The following PTPN13 variants were observed in gnomAD, a reference collection of about 807,000 sequenced individuals.
The protein encoded by PTPN13 is tyrosine-protein phosphatase non-receptor type 13.
In PTPN13, 191 loss-of-function variants were observed where a neutral mutation model predicts 284.0. That is an observed-to-expected ratio of 0.67 (90% CI 0.60 to 0.76). The LOEUF is 0.76. PTPN13 is among the 30% of genes least tolerant of loss of function. The pLI is 0.00. For synonymous variants in PTPN13, 986 were observed against 1,022.3 expected, an observed-to-expected ratio of 0.96 and a Z score of 0.68; for missense variants, 2,797 against 2,939.9, an observed-to-expected ratio of 0.95 and a Z score of 1.12.
intron 1 of PTPN13, among the ~76,000 whole-genome samples, chr4:86,607,796 C>CT (rs985038549): frequency 5.9e-5 from 9 of 151,838 alleles, no homozygotes; most frequent in African/African-American, 2.2e-4. Context: ...ATATATTTTC[C>CT]TTTTAGCTTT....
chr4:86,648,173 C>T (rs531184422), intron 2 of PTPN13, among the ~76,000 whole-genome samples: 2 of 152,190 alleles, frequency 1.3e-5, no homozygotes, highest in East Asian at 3.9e-4. Flanking sequence ...ATGGTCAAGT[C>T]AGGGTAGCTG....
At chr4:86,803,300 G>T (rs901680111) in intron 42 of PTPN13, among the ~76,000 whole-genome samples, 3 of 149,958 alleles carry the variant, frequency 2.0e-5, no homozygotes, top group Non-Finnish European at 4.4e-5. Context: ...ATAAAATAAA[G>T]ACCTTCCTAG....
chr4:86,637,510 C>A (rs1190252302), intron 2 of PTPN13, among the ~76,000 whole-genome samples: 1 of 151,890 alleles, frequency 6.6e-6, no homozygotes, highest in Non-Finnish European at 1.5e-5. Context: ...CCCTGGGGTG[C>A]AAGGCTGGTT....
At chr4:86,676,538 G>A (rs1471428283) in intron 3 of PTPN13, among the ~76,000 whole-genome samples, 1 of 152,072 alleles carries the variant, frequency 6.6e-6, no homozygotes, top group Non-Finnish European at 1.5e-5. Context: ...TTCACAGCAG[G>A]AACTCAAAGA....
At chr4:86,750,290 A>G (rs150280788) in intron 17 of PTPN13, among the ~76,000 whole-genome samples, 180 bp from the exon 18 acceptor site, 51 of 152,358 alleles carry the variant, frequency 3.3e-4, no homozygotes, top group African/African-American at 1.2e-3. Context: ...AAAATATGTT[A>G]TGAAAACCAG....
intron 1 of PTPN13, among the ~76,000 whole-genome samples, chr4:86,621,230 T>C (rs747338971): frequency 6.6e-6 from 1 of 152,216 alleles, no homozygotes; most frequent in African/African-American, 2.4e-5. Flanking sequence ...TGCATCAAAA[T>C]CTCTTGTATT....
rs769803442 is a variant in PTPN13, at chr4:86,765,462, C to T, written c.4217C>T (p.Ala1406Val). The change falls in exon 26 of 48, where the codon GCA becomes GTA. Residue 1406 changes from alanine to valine, a missense_variant. Physicochemically the swap from Ala to Val is moderately conservative, Grantham distance 64 (BLOSUM62 0). Transcript: ENST00000411767. ...YVKAVIPQGA[A>V]ESDGRIHKGD... ...AAAGCTGTTATTCCCCAGGGAGCAG[C>T]AGAGTCTGATGGTAGAATTCACAAA... 1.3e-6 allele frequency: 2 copies of T among 1,594,128 alleles called. No homozygotes were observed. Among genetic ancestry groups the T allele is most frequent in the South Asian group, 2.3e-5 (2 of 87,408 alleles).
intron 17 of PTPN13, among the ~76,000 whole-genome samples, chr4:86,749,069 G>A (rs1020756679): frequency 6.6e-6 from 1 of 152,110 alleles, no homozygotes; most frequent in African/African-American, 2.4e-5. Context: ...TTTTCCTAGT[G>A]ACAATGAGGC....
chr4:86,785,358 C>T lies in PTPN13; in HGVS notation c.6246C>T (p.Ser2082=). 2 of 1,610,584 alleles carry T rather than the reference C, an allele frequency of 1.2e-6. No individual in the cohort carries two copies. Among genetic ancestry groups the T allele is most frequent in the Non-Finnish European group, 1.7e-6 (2 of 1,178,120 alleles). Residue 2082 remains serine (S), a synonymous_variant, in exon 39 of 48, where the codon TCC becomes TCT. Transcript: ENST00000411767. ...ACGAAAATAATGCAGCAGGATACTC[C>T]TGTGGTCCAGGTACGTGAACCAGAT... ...LLNENNAAGY[S]CGPGTLKMNG...
At chr4:86,654,348 A>G (rs1725483724) in intron 2 of PTPN13, among the ~76,000 whole-genome samples, 1 of 152,214 alleles carries the variant, frequency 6.6e-6, no homozygotes, top group South Asian at 2.1e-4. Flanking sequence ...GGATATCACC[A>G]CTGATCCCAC....
chr4:86,702,136 T>C (rs1162130597), intron 7 of PTPN13, among the ~76,000 whole-genome samples: 1 of 152,228 alleles, frequency 6.6e-6, no homozygotes, highest in African/African-American at 2.4e-5. Flanking sequence ...CCATACCGTC[T>C]ACCATGCACT....
Position 86,714,221 on chromosome 4 carries a change from C to T in PTPN13, c.1196-2309C>T, listed in dbSNP as rs993226304. On this transcript the variant is annotated intron_variant, in intron 7 of 47. Transcript: ENST00000411767. ...TTGTTCATGTCAGAATTTCTTTAAT[C>T]TTCTCAAGCCTTAGCCAAACAGGCT... is the stretch of plus-strand genomic sequence containing the variant. Among the ~76,000 whole-genome samples, 7 of 152,094 alleles carry T rather than the reference C, an allele frequency of 4.6e-5. No homozygotes were observed. In the East Asian group the frequency reaches 1.3e-3, roughly 29 times the overall value.
intron 1 of PTPN13, among the ~76,000 whole-genome samples, chr4:86,612,715 T>C (rs1156597570): frequency 6.6e-6 from 1 of 152,098 alleles, no homozygotes; most frequent in East Asian, 1.9e-4. Flanking sequence ...CAAGCGAGCA[T>C]GTGGGACAGA....
chr4:86,782,815 A>T (rs12499477), intron 37 of PTPN13, among the ~76,000 whole-genome samples: 15,155 of 152,294 alleles, frequency 0.1, 877 homozygotes, highest in Non-Finnish European at 0.11. Flanking sequence ...AGGGGTGACT[A>T]AACAAAACTA....
chr4:86,712,417 T>C (rs1022172437), intron 7 of PTPN13, among the ~76,000 whole-genome samples: 1 of 151,694 alleles, frequency 6.6e-6, no homozygotes, highest in Non-Finnish European at 1.5e-5. Context: ...TGCCTCTCCA[T>C]ATATACCACT....
At chr4:86,798,685 A>C (rs1331087017) in intron 41 of PTPN13, among the ~76,000 whole-genome samples, 1 of 152,196 alleles carries the variant, frequency 6.6e-6, no homozygotes, top group East Asian at 1.9e-4. Context: ...CTGTTGTAGC[A>C]AAAGGCTATA....
chr4:86,640,086 CTTTGTTGTTTTT>C (rs1472676822), intron 2 of PTPN13, among the ~76,000 whole-genome samples: 9 of 151,918 alleles, frequency 5.9e-5, no homozygotes, highest in African/African-American at 2.2e-4. Flanking sequence ...GATGGTAAAG[CTTTGTTGTTTTT>C]GTTGTTGTTT....
intron 2 of PTPN13, among the ~76,000 whole-genome samples, chr4:86,640,826 C>T (rs1322529986): frequency 6.6e-6 from 1 of 152,098 alleles, no homozygotes; most frequent in East Asian, 1.9e-4. Context: ...AAAAGACTTA[C>T]CAGATGTATT....
chr4:86,685,725 CT>C (rs1729378367), intron 3 of PTPN13, among the ~76,000 whole-genome samples: 1 of 152,152 alleles, frequency 6.6e-6, no homozygotes, highest in Non-Finnish European at 1.5e-5. Flanking sequence ...GTGAAAAACT[CT>C]TACATGTACA....
Sources: gnomAD v4.1 joint callset for allele counts (sites outside exome capture counted in the v4.1 genomes callset) on GRCh38, gnomAD v4.1.1 for gene constraint, MANE v1.5 for transcripts, NCBI Gene and HGNC (gene_info 2026-07-23, HGNC 2026-07-21) for gene names.